TTLL1: variants seen among roughly 807,000 people sequenced by gnomAD.
The protein encoded by TTLL1 is TTL family tubulin polyglutamylase complex subunit L1.
A neutral mutation model predicts 47.8 loss-of-function variants in TTLL1; 33 were observed. That is an observed-to-expected ratio of 0.69 (90% CI 0.52 to 0.92). The LOEUF is 0.92. Ranked by LOEUF, TTLL1 falls within the 40% of genes least tolerant of loss-of-function variation. The probability of loss-of-function intolerance (pLI) is 0.00; values close to 1 mark genes in which losing one functional copy is unlikely to be tolerated. For missense variants in TTLL1, 488 were observed against 547.5 expected, an observed-to-expected ratio of 0.89 and a Z score of 1.08; for synonymous variants, 225 against 214.1, an observed-to-expected ratio of 1.05 and a Z score of -0.45.
chr22:43,065,315 A>C (rs1051340649), intron 5 of TTLL1, among the ~76,000 whole-genome samples: 5 of 151,946 alleles, frequency 3.3e-5, no homozygotes, highest in African/African-American at 1.2e-4. Flanking sequence ...TTTGAGACAC[A>C]GTCTTCCTCT....
In TTLL1 at chr22:43,071,523, C is replaced by A. The variant is rs9623747; in HGVS notation, c.114-1679G>T. ...CTCGCAGGTTCGAGCCATTCTCCTG[C>A]CTCAGCCTCCTGAGTAGCTGGGATT... On this transcript the variant is annotated intron_variant, in intron 3 of 10. Coordinates refer to ENST00000266254, the MANE Select transcript of TTLL1 (RefSeq NM_012263.5). Among the ~76,000 whole-genome samples, 612 of 152,278 alleles carry A rather than the reference C, an allele frequency of 4.0e-3. 6 individuals carry two copies. Among genetic ancestry groups the A allele is most frequent in the African/African-American group, 0.014 (589 of 41,552 alleles).
intron 9 of TTLL1, among the ~76,000 whole-genome samples, chr22:43,050,516 T>C (rs1926541037): frequency 6.6e-6 from 1 of 151,506 alleles, no homozygotes; most frequent in East Asian, 1.9e-4. Flanking sequence ...TTTTTTTGTT[T>C]TTTTTTTTGT....
At chr22:43,060,133 G>C (rs1927302692) in intron 7 of TTLL1, among the ~76,000 whole-genome samples, 1 of 152,164 alleles carries the variant, frequency 6.6e-6, no homozygotes, top group South Asian at 2.1e-4. Flanking sequence ...CCTTCCGTGG[G>C]TATTTTAAAA....
rs551332513 is a variant in TTLL1, at chr22:43,045,274, G to A, written c.1142+1136C>T. Among the ~76,000 whole-genome samples the A allele has an allele frequency of 2.0e-4, 30 of 152,276 alleles. No individual in the cohort carries two copies. In the South Asian group the frequency reaches 6.2e-3, roughly 32 times the overall value. ...TTTGTTCCCACTTTCGTCACTACGA[G>A]TATGCCACGGAACCGCTCTAAGCCT... On this transcript the variant is annotated intron_variant, in intron 10 of 10. Transcript: ENST00000266254.
intron 5 of TTLL1, among the ~76,000 whole-genome samples, chr22:43,065,636 G>A (rs991229178): frequency 6.6e-6 from 1 of 151,968 alleles, no homozygotes; most frequent in Non-Finnish European, 1.5e-5. Flanking sequence ...AGGCTGGAGT[G>A]CAGTGGTGCG....
intron 10 of TTLL1, among the ~76,000 whole-genome samples, chr22:43,045,839 G>A (rs548818223): frequency 4.6e-5 from 7 of 151,930 alleles, no homozygotes; most frequent in East Asian, 3.9e-4. Context: ...CAGCTATCCC[G>A]GCGGCCAGCG....
chr22:43,066,799 G>A (rs999112347), intron 5 of TTLL1, among the ~76,000 whole-genome samples: 11 of 151,736 alleles, frequency 7.2e-5, no homozygotes, highest in African/African-American at 2.7e-4. Flanking sequence ...AGACCAGCCT[G>A]GCCAACATGG....
chr22:43,065,340 A>G (rs1927659455), intron 5 of TTLL1, among the ~76,000 whole-genome samples: 1 of 151,892 alleles, frequency 6.6e-6, no homozygotes, highest in African/African-American at 2.4e-5. Flanking sequence ...CCCAGGCTGG[A>G]GTGCACTGGC....
At chr22:43,076,577 C>G (rs1291407903) in intron 2 of TTLL1, among the ~76,000 whole-genome samples, 1 of 151,588 alleles carries the variant, frequency 6.6e-6, no homozygotes, top group Non-Finnish European at 1.5e-5. Flanking sequence ...CGGTGAAACC[C>G]TGTCTCTACT....
In TTLL1 at chr22:43,069,839, C is replaced by T; in HGVS notation, c.119G>A (p.Ser40Asn). Residue 40 changes from serine (S) to asparagine (N), a missense_variant, in exon 4 of 11, where the codon AGT becomes AAT. Physicochemically the swap from Ser to Asn is conservative, Grantham distance 46. Transcript: ENST00000266254. ...GAACACATTTCGGATGGTTTGCACA[C>T]TCATCCTGAAAGAGATGAGCAGGAG... ...ENEDWNFYWM[S>N]VQTIRNVFSV... 6.2e-7 allele frequency: 1 copy of T among 1,614,132 alleles called. No individual in the cohort carries two copies.
At chr22:43,057,699 G>T (rs944435735) in intron 8 of TTLL1, among the ~76,000 whole-genome samples, 1 of 144,648 alleles carries the variant, frequency 6.9e-6, no homozygotes, top group African/African-American at 2.5e-5. Flanking sequence ...CTTGCCCTCA[G>T]AGAAAAAAAC....
chr22:43,079,907 G>GCTCAGCCCCTTCC lies in TTLL1; in HGVS notation c.-11_-10insGGAAGGGGCTGAG, dbSNP rs1928770324. The GCTCAGCCCCTTCC allele has an allele frequency of 3.9e-5, 6 of 152,198 alleles. No individual in the cohort carries two copies. The highest frequency in any genetic ancestry group is 1.4e-4 in the African/African-American group (6 of 41,414). 9.4% of individuals were successfully genotyped at this position (152,198 alleles called of 1,614,324 possible). ...CCGTCTCAGGCTGTACCTACCATAG[G>GCTCAGCCCCTTCC]CACTGACAGAGCACCACTGGCAACG... is the stretch of plus-strand genomic sequence containing the variant. On this transcript the variant is annotated 5_prime_UTR_variant, in exon 2 of 11. Coordinates refer to ENST00000266254, the MANE Select transcript of TTLL1 (RefSeq NM_012263.5).
At chr22:43,076,330 C>T (rs1401541636) in intron 2 of TTLL1, among the ~76,000 whole-genome samples, 1 of 152,144 alleles carries the variant, frequency 6.6e-6, no homozygotes, top group Admixed American at 6.6e-5. Context: ...GTTGTGCGCA[C>T]CCGTAATCCC....
rs1326046656 is a variant in TTLL1 at position 43,064,242 on chromosome 22, C to G, written c.586G>C (p.Asp196His). 6.2e-7 allele frequency: 1 copy of G among 1,614,074 alleles called. No individual in the cohort carries two copies. The highest frequency in any genetic ancestry group is 1.1e-5 in the South Asian group (1 of 91,074). ...NPLLIGGRKF[D>H]LRLYVLVSTY... is the part of the protein sequence containing the mutation. ...GACACCAGAACGTACAAGCGCAGGT[C>G]GAACTTCCTCCCGCCAATTAGTAAC... The change falls in exon 6 of 11, where the codon GAC becomes CAC. Residue 196 changes from aspartate to histidine, a missense_variant. By Grantham distance (81) the Asp-to-His change is moderately conservative. Coordinates refer to ENST00000266254, the MANE Select transcript of TTLL1 (RefSeq NM_012263.5).
chr22:43,046,078 A>G (rs1926105528), intron 10 of TTLL1, among the ~76,000 whole-genome samples: 2 of 152,086 alleles, frequency 1.3e-5, no homozygotes, highest in African/African-American at 4.8e-5. Flanking sequence ...AAAATTAGCC[A>G]GGAGTGGTAA....
intron 7 of TTLL1, among the ~76,000 whole-genome samples, chr22:43,061,857 T>C (rs972815942): frequency 6.6e-6 from 1 of 152,200 alleles, no homozygotes; most frequent in African/African-American, 2.4e-5. Flanking sequence ...TCCCTACTCA[T>C]GCTTCAGATC....
intron 8 of TTLL1, among the ~76,000 whole-genome samples, chr22:43,056,235 T>C (rs961668952): frequency 2.0e-5 from 3 of 151,822 alleles, no homozygotes; most frequent in East Asian, 3.9e-4. Flanking sequence ...GGCGCGCACT[T>C]GTAGTCCCAG....
chr22:43,057,204 G>A (rs983979519), intron 8 of TTLL1, among the ~76,000 whole-genome samples: 1 of 151,592 alleles, frequency 6.6e-6, no homozygotes, highest in Non-Finnish European at 1.5e-5. Context: ...AGGGATCGGA[G>A]GCTGCAGTGG....
In TTLL1 at chr22:43,046,430, G is replaced by T. The variant is rs560814513; in HGVS notation, c.1122C>A (p.Val374=). The change falls in exon 10 of 11, where the codon GTC becomes GTA. Residue 374 remains valine, a synonymous_variant. Coordinates refer to ENST00000266254, the MANE Select transcript of TTLL1 (RefSeq NM_012263.5). ...CTTACAGAATCTCGTAATTGCCGAG[G>T]ACTTCCTTAGGTGGCGACTTGTTCC... is the stretch of plus-strand genomic sequence containing the variant. The part of the protein sequence containing the change: ...CKWNKSPPKE[V]LGNYEILYDE... The T allele has an allele frequency of 6.2e-7, 1 of 1,614,034 alleles. No homozygotes were observed. Among genetic ancestry groups the T allele is most frequent in the African/African-American group, 1.3e-5 (1 of 75,006 alleles).
Sources: allele counts gnomAD v4.1 joint callset (sites outside exome capture counted in the v4.1 genomes callset), GRCh38; gene constraint gnomAD v4.1.1; transcripts MANE v1.5; gene names NCBI Gene and HGNC (gene_info 2026-07-23, HGNC 2026-07-21).